Variants in ZNF83 observed in about 807,000 individuals in gnomAD.
ZNF83 encodes zinc finger protein 816B.
For missense variants in ZNF83, 552 were observed against 629.9 expected, an observed-to-expected ratio of 0.88 and a Z score of 1.32; for synonymous variants, 209 against 213.0, an observed-to-expected ratio of 0.98 and a Z score of 0.17.
intron 2 of ZNF83, among the ~76,000 whole-genome samples, chr19:52,630,182 TG>T (rs1374322441): frequency 1.3e-5 from 2 of 152,186 alleles, no homozygotes; most frequent in Non-Finnish European, 2.9e-5. Context: ...CCAGAGCCCC[TG>T]GAACGCTGGC....
chr19:52,621,917 T>C (rs1345406171), intron 2 of ZNF83, among the ~76,000 whole-genome samples: 1 of 143,870 alleles, frequency 7.0e-6, no homozygotes, highest in Non-Finnish European at 1.5e-5. Context: ...ACTTCCTCCC[T>C]AGCTTCTGGT....
At chr19:52,690,485 T>A (rs894346697) in exon 1 of ZNF83, 2 of 185,854 alleles carry the variant, frequency 1.1e-5, no homozygotes, top group African/African-American at 4.8e-5. Context: ...GCTTCCAGAT[T>A]TGCGAGAATC....
At chr19:52,625,966 A>C (rs2060722173) in intron 2 of ZNF83, among the ~76,000 whole-genome samples, 1 of 152,148 alleles carries the variant, frequency 6.6e-6, no homozygotes, top group African/African-American at 2.4e-5. Flanking sequence ...TTTGCCTTGC[A>C]AAAGGCCTCT....
chr19:52,680,546 T>G (rs1337775326), intron 1 of ZNF83, among the ~76,000 whole-genome samples: 1 of 151,916 alleles, frequency 6.6e-6, no homozygotes, highest in Non-Finnish European at 1.5e-5. Context: ...AAACCCACGT[T>G]AAGGTATTTT....
At chr19:52,659,396 G>T (rs2061548572) in intron 2 of ZNF83, among the ~76,000 whole-genome samples, 1 of 152,132 alleles carries the variant, frequency 6.6e-6, no homozygotes, top group South Asian at 2.1e-4. Context: ...TTCATCACGG[G>T]ACAATAGTTG....
chr19:52,637,577 C>T (rs2061192647), intron 1 of ZNF83, among the ~76,000 whole-genome samples: 1 of 152,176 alleles, frequency 6.6e-6, no homozygotes, highest in Non-Finnish European at 1.5e-5. Flanking sequence ...ATCACCCACC[C>T]TCTACTTTGC....
intron 2 of ZNF83, among the ~76,000 whole-genome samples, chr19:52,631,749 T>C (rs2060970269): frequency 6.6e-6 from 1 of 152,200 alleles, no homozygotes; most frequent in Non-Finnish European, 1.5e-5. Context: ...TCACGCTTGA[T>C]TTATTGATGG....
At chr19:52,649,363 C>G (rs1303840145) in intron 3 of ZNF83, among the ~76,000 whole-genome samples, 1 of 152,060 alleles carries the variant, frequency 6.6e-6, no homozygotes, top group African/African-American at 2.4e-5. Flanking sequence ...GCCGGTATGA[C>G]ACATCTGACA....
At chr19:52,690,062 G>A (rs1459204878) in intron 1 of ZNF83, among the ~76,000 whole-genome samples, 1 of 152,164 alleles carries the variant, frequency 6.6e-6, no homozygotes, top group African/African-American at 2.4e-5. Flanking sequence ...GACAGGGGCC[G>A]CGGCGCTGCG....
At chr19:52,649,655 T>C (rs920950700) in intron 3 of ZNF83, among the ~76,000 whole-genome samples, 4 of 152,166 alleles carry the variant, frequency 2.6e-5, no homozygotes, top group East Asian at 1.9e-4. Flanking sequence ...CCCTAAAAAC[T>C]TTCTAAAAAG....
chr19:52,634,130 G>A (rs1234121516), intron 2 of ZNF83, among the ~76,000 whole-genome samples: 1 of 151,788 alleles, frequency 6.6e-6, no homozygotes, highest in African/African-American at 2.4e-5. Flanking sequence ...AGATTAGCCG[G>A]GTGTGGTGGC....
intron 3 of ZNF83, among the ~76,000 whole-genome samples, chr19:52,646,998 G>T (rs374749236): frequency 6.6e-5 from 10 of 152,048 alleles, no homozygotes; most frequent in African/African-American, 2.4e-4. Context: ...CTTTGTTCTG[G>T]GCTTAGCTTT....
chr19:52,662,583 C>A (rs535434519), intron 1 of ZNF83, among the ~76,000 whole-genome samples: 1 of 152,182 alleles, frequency 6.6e-6, no homozygotes, highest in East Asian at 1.9e-4. Flanking sequence ...TTTTGGAGAA[C>A]AGTAACTTAT....
intron 1 of ZNF83, among the ~76,000 whole-genome samples, chr19:52,686,346 T>C (rs1305342299): frequency 6.6e-6 from 1 of 151,822 alleles, no homozygotes; most frequent in Admixed American, 6.6e-5. Context: ...CAGAAAGGAA[T>C]GATGTGAGCT....
chr19:52,612,713 T>G, exon 3 of ZNF83: 1 of 348,760 alleles, frequency 2.9e-6, no homozygotes, highest in Non-Finnish European at 5.2e-6. Flanking sequence ...CAAGCATGAA[T>G]TTTTGCAATA....
intron 2 of ZNF83, among the ~76,000 whole-genome samples, chr19:52,631,351 G>C (rs913567480): frequency 6.6e-6 from 1 of 151,988 alleles, no homozygotes; most frequent in Non-Finnish European, 1.5e-5. Context: ...GAGCCAGAAC[G>C]GCACCCTGTA....
chr19:52,680,577 TTG>T (rs2061890643), intron 1 of ZNF83, among the ~76,000 whole-genome samples: 1 of 151,796 alleles, frequency 6.6e-6, no homozygotes, highest in African/African-American at 2.4e-5. Flanking sequence ...TTCTCCACAG[TTG>T]TGTTTTATTG....
chr19:52,616,773 G>T (rs1248875604), intron 2 of ZNF83: 1 of 152,144 alleles, frequency 6.6e-6, no homozygotes, highest in Non-Finnish European at 1.5e-5. Context: ...AACCCGGGAG[G>T]CGGAGGTGGT....
chr19:52,616,830 C>CAA (rs1162973221), intron 2 of ZNF83: 1 of 151,826 alleles, frequency 6.6e-6, no homozygotes, highest in African/African-American at 2.4e-5. Flanking sequence ...GCAACAAGAG[C>CAA]AAAAACTCCA....
Sources: gnomAD v4.1 joint callset for allele counts (sites outside exome capture counted in the v4.1 genomes callset) on GRCh38, gnomAD v4.1.1 for gene constraint, MANE v1.5 for transcripts, NCBI Gene and HGNC (gene_info 2026-07-23, HGNC 2026-07-21) for gene names.